The following PURG variants were observed in gnomAD, a reference collection of about 807,000 sequenced individuals.
PURG encodes the protein purine rich element binding protein G.
Under a neutral mutation model 24.3 loss-of-function variants are expected in PURG, and 3 were observed. The ratio of observed to expected loss-of-function variants is 0.12; its 90% confidence interval spans 0.06 to 0.32. PURG has a LOEUF of 0.32. Ranked by LOEUF, PURG falls within the 10% of genes least tolerant of loss-of-function variation. The pLI, the probability that PURG is intolerant of heterozygous loss-of-function variation, is 1.00. For synonymous variants in PURG, 180 were observed against 173.1 expected (o/e 1.04, Z -0.31); for missense variants, 371 against 439.1 (o/e 0.84, Z 1.39).
At chr8:31,009,741 A>G (rs1412076019) in intron 1 of PURG, among the ~76,000 whole-genome samples, 1 of 152,238 alleles carries the variant, frequency 6.6e-6, no homozygotes, top group Non-Finnish European at 1.5e-5. Context: ...CACTGTCAAC[A>G]ACTGTAATGA....
At chr8:31,017,775 T>C (rs1810905189) in intron 1 of PURG, among the ~76,000 whole-genome samples, 1 of 152,182 alleles carries the variant, frequency 6.6e-6, no homozygotes, top group South Asian at 2.1e-4. Flanking sequence ...AAATTTAAGA[T>C]GAAATTAGCA....
chr8:31,015,682 C>T (rs899224167), intron 1 of PURG, among the ~76,000 whole-genome samples: 1 of 152,106 alleles, frequency 6.6e-6, no homozygotes, highest in Non-Finnish European at 1.5e-5. Context: ...GTAATCACTG[C>T]CCAGAAAGCT....
downstream of PURG, among the ~76,000 whole-genome samples, chr8:31,028,743 C>T (rs927980241): frequency 7.2e-5 from 11 of 151,784 alleles, no homozygotes; most frequent in South Asian, 1.0e-3. Flanking sequence ...GTGCTGCTTT[C>T]GATTGCTAGG....
chr8:31,025,467 C>T (rs1811072883), intron 1 of PURG, among the ~76,000 whole-genome samples: 1 of 151,852 alleles, frequency 6.6e-6, no homozygotes, highest in Admixed American at 6.6e-5. Context: ...TAAAGCAATG[C>T]TTTAAATTTT....
At chr8:31,004,411 C>T (rs945207908) in intron 1 of PURG, among the ~76,000 whole-genome samples, 4 of 152,054 alleles carry the variant, frequency 2.6e-5, no homozygotes, top group Non-Finnish European at 4.4e-5. Flanking sequence ...GAAAAATATC[C>T]TTGGCTGGGC....
intron 1 of PURG, among the ~76,000 whole-genome samples, chr8:30,997,468 C>G (rs1159867094): frequency 2.0e-5 from 3 of 151,598 alleles, no homozygotes; most frequent in Admixed American, 6.6e-5. Context: ...TTTGGTCTCC[C>G]CTTCACAAGG....
At chr8:30,997,644 A>G (rs1585349413) in intron 1 of PURG, among the ~76,000 whole-genome samples, 1 of 151,744 alleles carries the variant, frequency 6.6e-6, no homozygotes, top group South Asian at 2.1e-4. Context: ...GTGTTTTTGT[A>G]AAAGTGTACT....
At chr8:31,025,024 T>C (rs1391053011) in intron 1 of PURG, among the ~76,000 whole-genome samples, 1 of 152,000 alleles carries the variant, frequency 6.6e-6, no homozygotes, top group Non-Finnish European at 1.5e-5. Context: ...GGAAAGTATA[T>C]ATTCCATTTA....
chr8:31,023,233 T>C (rs1009085318), intron 1 of PURG, among the ~76,000 whole-genome samples: 1 of 152,244 alleles, frequency 6.6e-6, no homozygotes, highest in African/African-American at 2.4e-5. Context: ...ACCAAATTGC[T>C]ATTTTGAACC....
At chr8:31,028,454 A>T (rs1811129214), downstream of PURG, among the ~76,000 whole-genome samples, 1 of 151,856 alleles carries the variant, frequency 6.6e-6, no homozygotes, top group Non-Finnish European at 1.5e-5. Flanking sequence ...TGCATTATTA[A>T]ATTAGTGAAC....
At chr8:30,997,477 G>A (rs1306781294) in intron 1 of PURG, among the ~76,000 whole-genome samples, 26 of 151,602 alleles carry the variant, frequency 1.7e-4, no homozygotes, top group Non-Finnish European at 5.9e-5. Flanking sequence ...CCCTTCACAA[G>A]GATAGACCTC....
At chr8:31,005,958 G>T (rs572796592) in intron 1 of PURG, among the ~76,000 whole-genome samples, 1 of 152,050 alleles carries the variant, frequency 6.6e-6, no homozygotes, top group East Asian at 1.9e-4. Context: ...TTACAGGTGG[G>T]AAGGAAACAA....
chr8:31,001,199 T>C (rs1429539979), intron 1 of PURG, among the ~76,000 whole-genome samples: 1 of 152,244 alleles, frequency 6.6e-6, no homozygotes, highest in Non-Finnish European at 1.5e-5. Context: ...CGTATTTTCT[T>C]GACTTTGTAA....
At chr8:31,012,560 G>A (rs1407098530) in intron 1 of PURG, among the ~76,000 whole-genome samples, 1 of 152,180 alleles carries the variant, frequency 6.6e-6, no homozygotes, top group Non-Finnish European at 1.5e-5. Flanking sequence ...GGAGTGGGAA[G>A]AAAATGAGAA....
chr8:31,010,597 C>T (rs1810744943), intron 1 of PURG, among the ~76,000 whole-genome samples: 1 of 152,098 alleles, frequency 6.6e-6, no homozygotes. Context: ...CTTTAAATTT[C>T]TATGTTATTA....
chr8:31,016,054 A>AAAAC (rs150945108), intron 1 of PURG, among the ~76,000 whole-genome samples: 3 of 152,088 alleles, frequency 2.0e-5, no homozygotes, highest in Admixed American at 1.3e-4. Flanking sequence ...CCCTGTCTCA[A>AAAAC]AAACAAACAA....
intron 1 of PURG, among the ~76,000 whole-genome samples, chr8:31,012,590 G>T (rs563593908): frequency 6.6e-6 from 1 of 152,282 alleles, no homozygotes; most frequent in Admixed American, 6.5e-5. Flanking sequence ...GAAGAAAGTA[G>T]AAACTAACTT....
intron 1 of PURG, among the ~76,000 whole-genome samples, chr8:31,020,971 C>T (rs1036366395): frequency 6.6e-6 from 1 of 152,154 alleles, no homozygotes; most frequent in Non-Finnish European, 1.5e-5. Flanking sequence ...TTTAACAAAC[C>T]ATCAAGATGA....
chr8:31,030,500 A>T (rs1811172712), downstream of PURG, among the ~76,000 whole-genome samples: 1 of 152,052 alleles, frequency 6.6e-6, no homozygotes, highest in Non-Finnish European at 1.5e-5. Flanking sequence ...CTGGAAAGTA[A>T]TTTTTAATAC....
Sources: allele counts gnomAD v4.1 joint callset (sites outside exome capture counted in the v4.1 genomes callset), GRCh38; gene constraint gnomAD v4.1.1; transcripts MANE v1.5; gene names NCBI Gene and HGNC (gene_info 2026-07-23, HGNC 2026-07-21).